The following PREX1 variants were observed in gnomAD, a reference collection of about 807,000 sequenced individuals.
PREX1 encodes the protein phosphatidylinositol 3,4,5-trisphosphate-dependent Rac exchanger 1 protein.
PREX1 carries 41 observed loss-of-function variants against 198.3 expected under a neutral mutation model. The ratio of observed to expected loss-of-function variants is 0.21; its 90% CI spans 0.16 to 0.27. The LOEUF (loss-of-function observed/expected upper bound fraction) is 0.27. Ranked by LOEUF, PREX1 falls within the 10% of genes least tolerant of loss-of-function variation. PREX1 has a pLI of 1.00. For missense variants in PREX1, 1,620 were observed against 2,200.7 expected (o/e 0.74, Z 5.28); for synonymous variants, 843 against 887.2 (o/e 0.95, Z 0.89).
At chr20:48,878,942 G>A in the PREX1 span, among the ~76,000 whole-genome samples, 17 of 152,336 alleles carry the variant, frequency 1.1e-4, no homozygotes, top group African/African-American at 3.6e-4. Context: ...CAAGCCACCC[G>A]CTGGAGAGAA....
At chr20:48,777,218 C>G (rs577448556) in intron 1 of PREX1, among the ~76,000 whole-genome samples, 1 of 152,138 alleles carries the variant, frequency 6.6e-6, no homozygotes, top group African/African-American at 2.4e-5. Flanking sequence ...CCACACCACA[C>G]GAGGCACAAA....
At chr20:48,660,873 A>G (rs1457651922) in intron 15 of PREX1, among the ~76,000 whole-genome samples, 1 of 152,260 alleles carries the variant, frequency 6.6e-6, no homozygotes, top group Non-Finnish European at 1.5e-5. Flanking sequence ...AAAGGCGCTC[A>G]GACCTCTCAG....
intron 1 of PREX1, among the ~76,000 whole-genome samples, chr20:48,794,481 G>A (rs1257943893): frequency 6.6e-6 from 1 of 152,202 alleles, no homozygotes; most frequent in Non-Finnish European, 1.5e-5. Flanking sequence ...GGCCCAGCAG[G>A]AGCCTTTGCT....
chr20:48,875,496 G>A, the PREX1 span, among the ~76,000 whole-genome samples: 1 of 152,152 alleles, frequency 6.6e-6, no homozygotes, highest in African/African-American at 2.4e-5. Context: ...ACAGAAGAGT[G>A]GCTTCCTGGG....
At chr20:48,759,505 G>T (rs141991160) in intron 1 of PREX1, among the ~76,000 whole-genome samples, 6 of 130,572 alleles carry the variant, frequency 4.6e-5, no homozygotes, top group African/African-American at 8.8e-5. Flanking sequence ...AACTGAAATC[G>T]CACCACTGCA....
the PREX1 span, among the ~76,000 whole-genome samples, chr20:48,861,865 G>A: frequency 5.3e-5 from 8 of 152,150 alleles, no homozygotes; most frequent in Admixed American, 1.3e-4. Context: ...GCCTGCTTGC[G>A]GGGCTTCCAA....
intron 6 of PREX1, among the ~76,000 whole-genome samples, chr20:48,704,747 G>A (rs1361663255): frequency 1.3e-5 from 2 of 152,118 alleles, no homozygotes; most frequent in Admixed American, 1.3e-4. Flanking sequence ...ATAGAGAAGG[G>A]GTTTCACCGT....
chr20:48,638,900 G>T (rs1367623490), intron 30 of PREX1, among the ~76,000 whole-genome samples: 5 of 152,198 alleles, frequency 3.3e-5, no homozygotes, highest in African/African-American at 1.2e-4. Context: ...AGCCCTGGTG[G>T]TCTGGACCCA....
the PREX1 span, among the ~76,000 whole-genome samples, chr20:48,834,758 C>T: frequency 6.6e-6 from 1 of 152,192 alleles, no homozygotes; most frequent in Non-Finnish European, 1.5e-5. Context: ...GGGGATCCCA[C>T]TATGTTGCCC....
chr20:48,646,147 G>T, intron 25 of PREX1, 90 bp from the exon 26 acceptor site: 1 of 1,284,198 alleles, frequency 7.8e-7, no homozygotes, highest in Non-Finnish European at 1.1e-6. Flanking sequence ...GCAGGTGTGA[G>T]CACTGGCCCT....
intron 1 of PREX1, among the ~76,000 whole-genome samples, chr20:48,793,722 TC>T (rs2090348379): frequency 6.6e-6 from 1 of 152,220 alleles, no homozygotes; most frequent in Non-Finnish European, 1.5e-5. Context: ...GAATGGCTTT[TC>T]TCTTAATCTT....
At chr20:48,884,842 T>A in the PREX1 span, among the ~76,000 whole-genome samples, 1 of 152,184 alleles carries the variant, frequency 6.6e-6, no homozygotes, top group Admixed American at 6.5e-5. Context: ...CAGGGCACGG[T>A]GGCTCATGCC....
At chr20:48,791,149 G>GCA (rs11469380) in intron 1 of PREX1, among the ~76,000 whole-genome samples, 2,373 of 150,512 alleles carry the variant, frequency 0.016, 30 homozygotes, top group African/African-American at 0.032. Context: ...GCAGATTCAT[G>GCA]CACACACACA....
At chr20:48,781,068 T>A (rs769740035) in intron 1 of PREX1, among the ~76,000 whole-genome samples, 2 of 152,052 alleles carry the variant, frequency 1.3e-5, no homozygotes, top group Admixed American at 1.3e-4. Flanking sequence ...CAAAAAAGTG[T>A]CAAGGTCATG....
At chr20:48,768,470 C>A (rs1318729176) in intron 1 of PREX1, among the ~76,000 whole-genome samples, 1 of 152,196 alleles carries the variant, frequency 6.6e-6, no homozygotes, top group Non-Finnish European at 1.5e-5. Context: ...CCAAAACTGG[C>A]AAGACCCTTC....
At position 48,708,410 on chromosome 20, in the gene PREX1, C is replaced by T; in HGVS notation, c.633G>A (p.Lys211=). The stretch of plus-strand genomic sequence containing the variant: ...GGTCTGGGTGCTTGCCGGGAGTCCT[C>T]TTGGCCAGCTCCTGGGGTAGAATAG... The part of the protein sequence containing the change: ...KYPLLLKELA[K]RTPGKHPDHP... Residue 211 remains lysine, a synonymous_variant, in exon 6 of 40, where the codon AAG becomes AAA. Coordinates refer to ENST00000371941, the MANE Select transcript of PREX1 (RefSeq NM_020820.4). The T allele has an allele frequency of 1.9e-6, 3 of 1,614,138 alleles. No homozygotes were observed. The highest frequency in any genetic ancestry group is 2.5e-6 in the Non-Finnish European group (3 of 1,180,014).
At chr20:48,640,007 A>C in intron 29 of PREX1, 113 bp from the exon 30 acceptor site, 15 of 1,397,332 alleles carry the variant, frequency 1.1e-5, no homozygotes, top group East Asian at 2.3e-5. Context: ...ATCCTAGATC[A>C]AGGGAGCTGG....
At chr20:48,770,358 C>A (rs935872756) in intron 1 of PREX1, among the ~76,000 whole-genome samples, 15 of 152,130 alleles carry the variant, frequency 9.9e-5, no homozygotes, top group African/African-American at 3.4e-4. Flanking sequence ...GGCAGCAGGG[C>A]AGGGAAAGCA....
chr20:48,639,730 C>T, intron 30 of PREX1, 36 bp downstream of exon 30: 1 of 1,609,370 alleles, frequency 6.2e-7, no homozygotes, highest in Non-Finnish European at 8.5e-7. Context: ...GCCATGGCCC[C>T]CTCCCCACCA....
Sources: gnomAD v4.1 joint callset for allele counts (sites outside exome capture counted in the v4.1 genomes callset) on GRCh38, gnomAD v4.1.1 for gene constraint, MANE v1.5 for transcripts, NCBI Gene and HGNC (gene_info 2026-07-23, HGNC 2026-07-21) for gene names.